GABRR2: variants seen among roughly 807,000 people sequenced by gnomAD.
GABRR2 encodes the protein gamma-aminobutyric acid receptor subunit rho-2.
A neutral mutation model predicts 47.0 loss-of-function variants in GABRR2; 36 were observed. The observed-to-expected ratio is 0.77, with a 90% confidence interval of 0.59 to 1.01. The LOEUF is 1.01. Among genes scored for constraint, GABRR2 ranks in the 50% least tolerant of loss-of-function variants. The probability of loss-of-function intolerance (pLI) is 0.00; values close to 1 mark genes in which losing one functional copy is unlikely to be tolerated. For missense variants in GABRR2, 587 were observed against 594.6 expected, an observed-to-expected ratio of 0.99 and a Z score of 0.13; for synonymous variants, 204 against 227.5, an observed-to-expected ratio of 0.90 and a Z score of 0.93.
intron 2 of GABRR2, among the ~76,000 whole-genome samples, chr6:89,281,133 G>C (rs1582450237): frequency 6.6e-6 from 1 of 152,238 alleles, no homozygotes; most frequent in East Asian, 1.9e-4. Flanking sequence ...CACTGACTGA[G>C]TGGTTCATAC....
intron 2 of GABRR2, among the ~76,000 whole-genome samples, chr6:89,297,701 A>G (rs1193291980): frequency 6.6e-6 from 1 of 152,178 alleles, no homozygotes; most frequent in African/African-American, 2.4e-5. Context: ...CTAAAAATAC[A>G]AAAGAATTAG....
chr6:89,266,439 T>G (rs1405535535), intron 6 of GABRR2, among the ~76,000 whole-genome samples: 1 of 152,352 alleles, frequency 6.6e-6, no homozygotes, highest in East Asian at 1.9e-4. Flanking sequence ...CTGGTCACTG[T>G]CACCTTTATT....
rs892834786 is a variant in GABRR2, at chr6:89,255,300, T to C, written c.*2370A>G. Among the ~76,000 whole-genome samples the C allele has an allele frequency of 6.6e-6, 1 of 152,066 alleles. No homozygotes were observed. The highest frequency in any genetic ancestry group is 2.4e-5 in the African/African-American group (1 of 41,390). On this transcript the variant is annotated 3_prime_UTR_variant, in exon 9 of 9. Transcript: ENST00000402938. ...AAAAAATACAAAAGTTAGCCAGGCA[T>C]GGTGGCGCATGCCTGTAATCCCAGC...
At chr6:89,288,419 G>T (rs1449371238) in intron 2 of GABRR2, among the ~76,000 whole-genome samples, 1 of 152,078 alleles carries the variant, frequency 6.6e-6, no homozygotes, top group Admixed American at 6.5e-5. Flanking sequence ...TTCAGCCCAG[G>T]CACCAGACAC....
At chr6:89,288,889 C>T (rs939325285) in intron 2 of GABRR2, among the ~76,000 whole-genome samples, 9 of 152,192 alleles carry the variant, frequency 5.9e-5, no homozygotes, top group African/African-American at 7.2e-5. Context: ...TCAAGAGATC[C>T]GCCTCAGTCT....
At chr6:89,304,067 A>G (rs10455507) in intron 1 of GABRR2, among the ~76,000 whole-genome samples, 54,239 of 151,846 alleles carry the variant, frequency 0.36, 10,688 homozygotes, top group African/African-American at 0.53. Flanking sequence ...TGATGGAGAC[A>G]CCAAAAGCAA....
At position 89,315,294 on chromosome 6, in the gene GABRR2, C is replaced by T. The variant is rs1175630354; in HGVS notation, c.-129G>A. The T allele has an allele frequency of 1.3e-6, 2 of 1,554,464 alleles. No individual in the cohort carries two copies. The highest frequency in any genetic ancestry group is 1.7e-6 in the Non-Finnish European group (2 of 1,149,552). ...GCTCTGAGGGGCTGTGAGGGCAAGG[C>T]TGGCCAGGCTAGTTGTCCCGATTTA... On this transcript the variant is annotated 5_prime_UTR_variant, in exon 1 of 9. Transcript: ENST00000402938.
chr6:89,313,882 A>G (rs569946204), intron 1 of GABRR2, among the ~76,000 whole-genome samples: 1 of 152,256 alleles, frequency 6.6e-6, no homozygotes, highest in South Asian at 2.1e-4. Flanking sequence ...GCGCCACTGC[A>G]CTCCAGCCTG....
At chr6:89,302,117 G>A in intron 1 of GABRR2, 1 of 616,478 alleles carries the variant, frequency 1.6e-6, no homozygotes, top group Non-Finnish European at 3.1e-6. Context: ...TGCGGAGCTG[G>A]TGGATTCCCT....
In GABRR2 at chr6:89,255,469, A is replaced by G. The variant is rs2127820423; in HGVS notation, c.*2201T>C. ...GAAAAAAAGGTTTCTAAACAAGTCC[A>G]GATGCCCTGTACCACCCAATTACCC... On this transcript the variant is annotated 3_prime_UTR_variant, in exon 9 of 9. Coordinates refer to ENST00000402938, the MANE Select transcript of GABRR2 (RefSeq NM_002043.5). Among the ~76,000 whole-genome samples, 1 of 152,296 alleles carries G rather than the reference A, an allele frequency of 6.6e-6. No homozygotes were observed. Among genetic ancestry groups the G allele is most frequent in the East Asian group, 1.9e-4 (1 of 5,186 alleles).
At chr6:89,313,519 ACAG>A (rs1475798731) in intron 1 of GABRR2, among the ~76,000 whole-genome samples, 2 of 152,126 alleles carry the variant, frequency 1.3e-5, no homozygotes, top group Non-Finnish European at 2.9e-5. Context: ...TTCCAGTTTA[ACAG>A]CCTATGGTTC....
At position 89,292,783 on chromosome 6, in the gene GABRR2, TATACGATATATC is replaced by T. The variant is rs1357666540; in HGVS notation, c.220+6964_220+6975del. Among the ~76,000 whole-genome samples the T allele has an allele frequency of 7.6e-5, 4 of 52,310 alleles. 1 individual carries two copies. Among genetic ancestry groups the T allele is most frequent in the African/African-American group, 3.7e-4 (4 of 10,836 alleles). The allele number at this position is 52,310 out of a possible 152,430, so 34.3% of individuals were successfully genotyped here. A position where few individuals can be genotyped will look rare whatever the true frequency, so the allele number is the denominator to read the frequency against. On this transcript the variant is annotated intron_variant, in intron 2 of 8. Transcript: ENST00000402938. ...TATACGATATATCGTATATATCGTA[TATACGATATATC>T]GTATATATCGTATATACGATATATC...
intron 1 of GABRR2, among the ~76,000 whole-genome samples, chr6:89,314,147 TTGAC>T (rs1350587266): frequency 4.6e-5 from 7 of 152,126 alleles, no homozygotes; most frequent in African/African-American, 1.2e-4. Flanking sequence ...AAACTTGTCA[TTGAC>T]AGCAGCGCAT....
At chr6:89,307,662 C>T (rs1562392695) in intron 1 of GABRR2, among the ~76,000 whole-genome samples, 1 of 152,212 alleles carries the variant, frequency 6.6e-6, no homozygotes, top group Non-Finnish European at 1.5e-5. Context: ...TGCTAACTCA[C>T]CTGCTGAAGA....
intron 1 of GABRR2, among the ~76,000 whole-genome samples, chr6:89,312,144 A>G (rs1282119353): frequency 1.3e-5 from 2 of 152,304 alleles, no homozygotes; most frequent in East Asian, 3.9e-4. Flanking sequence ...TCAGCTCTCA[A>G]GGGAGAAGTG....
chr6:89,261,637 G>A (rs1282617723), intron 8 of GABRR2, among the ~76,000 whole-genome samples: 2 of 152,212 alleles, frequency 1.3e-5, no homozygotes, highest in Non-Finnish European at 1.5e-5. Context: ...GGGCCAGGGT[G>A]AAGTCACACA....
At chr6:89,302,960 G>A (rs1384129556) in intron 1 of GABRR2, 5 of 1,270,432 alleles carry the variant, frequency 3.9e-6, no homozygotes, top group Non-Finnish European at 3.3e-6. Context: ...TGGTACATGG[G>A]CAAGGGCATG....
chr6:89,259,009 C>T (rs1329972274), intron 8 of GABRR2, among the ~76,000 whole-genome samples: 5 of 151,120 alleles, frequency 3.3e-5, no homozygotes, highest in Non-Finnish European at 7.4e-5. Flanking sequence ...TGTATATGAC[C>T]CTATTCTTTT....
intron 1 of GABRR2, chr6:89,301,818 C>T (rs951477496): frequency 2.6e-5 from 25 of 950,052 alleles, no homozygotes; most frequent in Non-Finnish European, 3.4e-5. Flanking sequence ...CCGGCCAGTG[C>T]GGCAACTAGA....
Sources: allele counts gnomAD v4.1 joint callset (sites outside exome capture counted in the v4.1 genomes callset), GRCh38; gene constraint gnomAD v4.1.1; transcripts MANE v1.5; gene names NCBI Gene and HGNC (gene_info 2026-07-23, HGNC 2026-07-21).